Variants in CD247 observed in about 807,000 individuals in gnomAD.
CD247 encodes CD247 molecule.
CD247 carries 13 observed loss-of-function variants against 30.0 expected under a neutral mutation model. The observed-to-expected ratio is 0.43, with a 90% CI of 0.28 to 0.69. The LOEUF (loss-of-function observed/expected upper bound fraction) is 0.69, where lower values mean the gene tolerates loss of function less well. Among genes scored for constraint, CD247 ranks in the 30% least tolerant of loss-of-function variants. CD247 has a pLI of 0.16. For missense variants in CD247, 193 were observed against 212.6 expected (o/e 0.91, Z 0.57); for synonymous variants, 72 against 80.0 (o/e 0.90, Z 0.53).
chr1:167,485,649 G>A (rs573474644), intron 1 of CD247, among the ~76,000 whole-genome samples: 79 of 152,076 alleles, frequency 5.2e-4, no homozygotes, highest in Non-Finnish European at 1.0e-3. Flanking sequence ...CGTGGGGAGG[G>A]TATCCCGGCA....
intron 7 of CD247, 143 bp from the exon 8 acceptor site, chr1:167,431,889 G>T: frequency 1.3e-6 from 1 of 753,486 alleles, no homozygotes; most frequent in Non-Finnish European, 2.4e-6. Flanking sequence ...TAATCCCCCT[G>T]GCCCCACGGG....
At chr1:167,516,866 T>C (rs1655627561) in intron 1 of CD247, among the ~76,000 whole-genome samples, 1 of 152,114 alleles carries the variant, frequency 6.6e-6, no homozygotes, top group East Asian at 1.9e-4. Context: ...CACCCAACAA[T>C]CTTTCATTTT....
At chr1:167,487,053 G>A (rs1654238385) in intron 1 of CD247, among the ~76,000 whole-genome samples, 1 of 145,840 alleles carries the variant, frequency 6.9e-6, no homozygotes. Flanking sequence ...CAGCCTGGGT[G>A]ACAGAGCAAG....
chr1:167,447,890 G>T (rs1386292145), intron 1 of CD247, among the ~76,000 whole-genome samples: 1 of 148,374 alleles, frequency 6.7e-6, no homozygotes, highest in Non-Finnish European at 1.5e-5. Context: ...AGGCACAACT[G>T]GTGATGACAT....
Position 167,476,250 on chromosome 1 carries a change from C to T in CD247, c.59-35483G>A, listed in dbSNP as rs574053501. Among the ~76,000 whole-genome samples the T allele has an allele frequency of 1.1e-4, 17 of 152,172 alleles. No individual in the cohort carries two copies. The South Asian group carries it at 3.3e-3, about 30-fold the overall frequency. ...TTCTGCTGAGCTTCCTGAGGGTGGA[C>T]TCTGAATCTTGGCTTCTCTTATACC... On this transcript the variant is annotated intron_variant, in intron 1 of 7. Coordinates refer to ENST00000362089, the MANE Select transcript of CD247 (RefSeq NM_198053.3).
intron 1 of CD247, among the ~76,000 whole-genome samples, chr1:167,506,892 A>ATTTT (rs10587631): frequency 5.4e-4 from 53 of 97,988 alleles, no homozygotes; most frequent in African/African-American, 1.3e-3. Context: ...GTTCCCTCTG[A>ATTTT]TTTTTTTTTT....
chr1:167,441,767 A>G (rs1651842040), intron 1 of CD247, among the ~76,000 whole-genome samples: 1 of 152,252 alleles, frequency 6.6e-6, no homozygotes, highest in African/African-American at 2.4e-5. Flanking sequence ...CCATTGGAGT[A>G]CAATGGGCTG....
At chr1:167,478,409 G>A (rs761025272) in intron 1 of CD247, among the ~76,000 whole-genome samples, 2 of 152,226 alleles carry the variant, frequency 1.3e-5, no homozygotes, top group Admixed American at 6.5e-5. Flanking sequence ...GAAAAGACTT[G>A]AGGACTTTAA....
intron 3 of CD247, among the ~76,000 whole-genome samples, chr1:167,439,141 T>C (rs1459298416): frequency 1.3e-5 from 2 of 152,112 alleles, no homozygotes; most frequent in South Asian, 2.1e-4. Context: ...AAGCATGTAA[T>C]CTTTATGGCG....
intron 1 of CD247, among the ~76,000 whole-genome samples, chr1:167,483,972 G>T (rs959195663): frequency 6.6e-6 from 1 of 152,238 alleles, no homozygotes; most frequent in African/African-American, 2.4e-5. Context: ...AACAGAGGCT[G>T]CCCAGACTGC....
intron 1 of CD247, among the ~76,000 whole-genome samples, chr1:167,498,229 C>T (rs1035860631): frequency 2.0e-5 from 3 of 152,242 alleles, no homozygotes; most frequent in African/African-American, 7.2e-5. Flanking sequence ...CTTCGGTTGT[C>T]TTTCACACCC....
chr1:167,494,848 A>C lies in CD247; in HGVS notation c.58+23560T>G, dbSNP rs1196329250. Among the ~76,000 whole-genome samples, 1 of 152,250 alleles carries C rather than the reference A, an allele frequency of 6.6e-6. No individual in the cohort carries two copies. Among genetic ancestry groups the C allele is most frequent in the African/African-American group, 2.4e-5 (1 of 41,470 alleles). On this transcript the variant is annotated intron_variant, in intron 1 of 7. Coordinates refer to ENST00000362089, the MANE Select transcript of CD247 (RefSeq NM_198053.3). The surrounding 1 kb of genome is among the most constrained non-coding windows in gnomAD (Gnocchi z 7.3). ...TACGCCTTGGATTTCAGAGCTGGAA[A>C]GAGGGTTAGAGACCTATTCCAGGAC...
intron 1 of CD247, among the ~76,000 whole-genome samples, chr1:167,479,613 T>C (rs1394489158): frequency 6.6e-6 from 1 of 152,246 alleles, no homozygotes; most frequent in Non-Finnish European, 1.5e-5. Flanking sequence ...CTCCCCATCA[T>C]GTGGCTTTTA....
At chr1:167,503,665 AT>A (rs1655002818) in intron 1 of CD247, among the ~76,000 whole-genome samples, 1 of 152,132 alleles carries the variant, frequency 6.6e-6, no homozygotes, top group African/African-American at 2.4e-5. Flanking sequence ...TGCCTTTGTT[AT>A]AAACGTCACT....
chr1:167,479,928 A>AGGG lies in CD247; in HGVS notation c.58+38479_58+38480insCCC, dbSNP rs1404618459. Among the ~76,000 whole-genome samples, 67 of 152,338 alleles carry AGGG rather than the reference A, an allele frequency of 4.4e-4. 1 individual carries two copies. The East Asian group carries it at 0.012, about 28-fold the overall frequency. ...CCTTTGGCATGAGCTTCGTGACTGC[A>AGGG]GAGCCACATTTTCTACTTCTCTTTT... On this transcript the variant is annotated intron_variant, in intron 1 of 7. Transcript: ENST00000362089.
chr1:167,500,791 G>A (rs927751231), intron 1 of CD247, among the ~76,000 whole-genome samples: 6 of 152,210 alleles, frequency 3.9e-5, no homozygotes, highest in African/African-American at 7.2e-5. Context: ...ACTCTAGTAA[G>A]AGGGTTATCG....
chr1:167,437,909 GTTAA>G (rs1457831529), intron 4 of CD247, among the ~76,000 whole-genome samples: 6 of 152,104 alleles, frequency 3.9e-5, no homozygotes, highest in African/African-American at 1.4e-4. Flanking sequence ...TGATAAATAT[GTTAA>G]TTAGCTTAAT....
chr1:167,487,197 T>C (rs1414514784), intron 1 of CD247, among the ~76,000 whole-genome samples: 1 of 150,748 alleles, frequency 6.6e-6, no homozygotes, highest in African/African-American at 2.4e-5. Flanking sequence ...GCCAAGATGG[T>C]GCAACCCCAT....
chr1:167,470,968 T>G (rs1653497118), intron 1 of CD247, among the ~76,000 whole-genome samples: 1 of 150,602 alleles, frequency 6.6e-6, no homozygotes, highest in African/African-American at 2.4e-5. Flanking sequence ...ACCTCCTGGG[T>G]TCAAGCAACT....
Sources: gnomAD v4.1 joint callset for allele counts (sites outside exome capture counted in the v4.1 genomes callset) on GRCh38, gnomAD v4.1.1 for gene constraint, Gnocchi (gnomAD v3.1) non-coding constraint, MANE v1.5 for transcripts, NCBI Gene and HGNC (gene_info 2026-07-23, HGNC 2026-07-21) for gene names.